Variants in WDR33 observed in about 807,000 individuals in gnomAD.
WDR33 encodes pre-mRNA 3' end processing protein WDR33.
Under a neutral mutation model 164.9 loss-of-function variants are expected in WDR33, and 47 were observed. That is an observed-to-expected ratio of 0.29 (90% CI 0.23 to 0.36). The LOEUF is 0.36. WDR33 is among the 10% of genes least tolerant of loss of function. The pLI is 1.00. For synonymous variants in WDR33, 505 were observed against 589.0 expected, an observed-to-expected ratio of 0.86 and a Z score of 2.06; for missense variants, 1,137 against 1,754.1, an observed-to-expected ratio of 0.65 and a Z score of 6.28.
intron 1 of WDR33, among the ~76,000 whole-genome samples, chr2:127,785,896 T>C (rs1688547738): frequency 6.6e-6 from 1 of 152,226 alleles, no homozygotes; most frequent in Non-Finnish European, 1.5e-5. Flanking sequence ...ACTGCCTAAC[T>C]ATATTCTAAA....
intron 1 of WDR33, among the ~76,000 whole-genome samples, chr2:127,772,240 C>T (rs1463343981): frequency 2.6e-5 from 4 of 152,082 alleles, no homozygotes; most frequent in African/African-American, 9.7e-5. Flanking sequence ...AGTTCAAGAC[C>T]AGCCTGGCCA....
Position 127,763,248 on chromosome 2 carries a change from T to C in WDR33, c.627-89A>G. On this transcript the variant is annotated intron_variant, in intron 6 of 21. Coordinates refer to ENST00000322313, the MANE Select transcript of WDR33 (RefSeq NM_018383.5). The surrounding 1 kb of genome is among the most constrained non-coding windows in gnomAD (Gnocchi z 4.5). Reference sequence around the variant, plus strand: ...CAGACAGGGAAAAATAAAAACACTGTGCTGCATTATAAACAGGAGAGGGAA... The same window carrying C: ...CAGACAGGGAAAAATAAAAACACTGCGCTGCATTATAAACAGGAGAGGGAA... 1 of 1,593,686 alleles carries C rather than the reference T, an allele frequency of 6.3e-7. No homozygotes were observed. The highest frequency in any genetic ancestry group is 1.3e-5 in the African/African-American group (1 of 74,284).
chr2:127,702,187 C>T lies in WDR33; in HGVS notation c.*4136G>A, dbSNP rs958468327. 11 of 1,213,772 alleles carry T rather than the reference C, an allele frequency of 9.1e-6. No homozygotes were observed. Among genetic ancestry groups the T allele is most frequent in the East Asian group, 3.3e-5 (1 of 29,908 alleles). The allele number at this position is 1,213,772 out of a possible 1,614,324, so 75.2% of individuals were successfully genotyped here. ...GTGCTGCCCGTGTGAGGACCTCGCG[C>T]CCTCGCCGCTGGGGAAGTACGCGGA... On this transcript the variant is annotated 3_prime_UTR_variant, in exon 22 of 22. Transcript: ENST00000322313.
At chr2:127,755,738 T>C (rs937305397) in intron 7 of WDR33, among the ~76,000 whole-genome samples, 19 of 152,214 alleles carry the variant, frequency 1.2e-4, no homozygotes, top group African/African-American at 4.6e-4. Context: ...GATTAAGAAC[T>C]ACTAATCTAA....
chr2:127,783,903 G>GCC lies in WDR33; in HGVS notation c.-23-12901_-23-12900dup, dbSNP rs1308389720. 3.3e-5 allele frequency among the ~76,000 whole-genome samples: 5 copies of GCC among 151,672 alleles called. No homozygotes were observed. In the South Asian group the frequency reaches 1.0e-3, roughly 32 times the overall value. ...TTACAAGAGTGAGCCACCGCACCTGGCCAGCACTTCCTTATTCTTTTAAAC... is the reference window on the plus strand; with the variant it reads ...TTACAAGAGTGAGCCACCGCACCTGGCCCCAGCACTTCCTTATTCTTTTAAAC... On this transcript the variant is annotated intron_variant, in intron 1 of 21. Coordinates refer to ENST00000322313, the MANE Select transcript of WDR33 (RefSeq NM_018383.5).
In WDR33 at chr2:127,787,430, G is replaced by A. The variant is rs1337688908; in HGVS notation, c.-23-16426C>T. 3.1e-5 allele frequency among the ~76,000 whole-genome samples: 4 copies of A among 130,164 alleles called. 1 individual carries two copies. The highest frequency in any genetic ancestry group is 1.0e-4 in the African/African-American group (3 of 29,328). The allele number at this position is 130,164 out of a possible 152,430, so 85.4% of individuals were successfully genotyped here. On this transcript the variant is annotated intron_variant, in intron 1 of 21. Transcript: ENST00000322313. Reference sequence around the variant, plus strand: ...AGGGGCTCCTCACTTCCCAGTAGGGGTGGCCGGGCAGAGGCGCCCCTCACC... The same window carrying A: ...AGGGGCTCCTCACTTCCCAGTAGGGATGGCCGGGCAGAGGCGCCCCTCACC...
At position 127,757,363 on chromosome 2, in the gene WDR33, T is replaced by A. The variant is rs1233119223; in HGVS notation, c.724+5699A>T. On this transcript the variant is annotated intron_variant, in intron 7 of 21. Coordinates refer to ENST00000322313, the MANE Select transcript of WDR33 (RefSeq NM_018383.5). ...TTCAGAACCCTACTACACAAACTTG[T>A]TTAAATAATGTGCTTTAGATGTTAA... Among the ~76,000 whole-genome samples the A allele has an allele frequency of 2.0e-5, 3 of 152,318 alleles. No homozygotes were observed. The East Asian group carries it at 5.8e-4, about 29-fold the overall frequency.
intron 1 of WDR33, among the ~76,000 whole-genome samples, chr2:127,788,239 C>CG (rs1688677810): frequency 8.2e-6 from 1 of 122,330 alleles, no homozygotes; most frequent in African/African-American, 3.3e-5. Context: ...GCTGGCCAGG[C>CG]AGGGGGCTGA....
rs1260302153 is a variant in WDR33 at position 127,730,389 on chromosome 2, A to G, written c.725-3612T>C. On this transcript the variant is annotated intron_variant, in intron 7 of 21. Coordinates refer to ENST00000322313, the MANE Select transcript of WDR33 (RefSeq NM_018383.5). ...TTTCAAATGATAAAATTCTGACCTC[A>G]CATGTCAATGTTGATATATTTAGAT... Among the ~76,000 whole-genome samples, 6 of 152,324 alleles carry G rather than the reference A, an allele frequency of 3.9e-5. No individual in the cohort carries two copies. The East Asian group carries it at 9.6e-4, about 24-fold the overall frequency.
intron 7 of WDR33, among the ~76,000 whole-genome samples, chr2:127,750,988 C>A (rs971622908): frequency 4.0e-5 from 6 of 151,346 alleles, no homozygotes; most frequent in Non-Finnish European, 7.4e-5. Flanking sequence ...TAAACATTTC[C>A]ACCCAGAAGA....
intron 18 of WDR33, among the ~76,000 whole-genome samples, chr2:127,711,780 A>ATATATATATTTTTTTTTTTTTTTT: frequency 4.5e-5 from 4 of 88,306 alleles, no homozygotes; most frequent in African/African-American, 6.5e-5. Context: ...ATATATATAT[A>ATATATATATTTTTTTTTTTTTTTT]TTTTTTTTTT....
chr2:127,715,787 A>C (rs1686285094), intron 17 of WDR33, among the ~76,000 whole-genome samples: 1 of 152,222 alleles, frequency 6.6e-6, no homozygotes, highest in African/African-American at 2.4e-5. Context: ...CTCTTCAAGG[A>C]AAGAAACCCA....
Position 127,713,726 on chromosome 2 carries a change from G to C in WDR33, c.3165C>G (p.Pro1055=). 4 of 1,614,216 alleles carry C rather than the reference G, an allele frequency of 2.5e-6. No individual in the cohort carries two copies. The highest frequency in any genetic ancestry group is 2.5e-6 in the Non-Finnish European group (3 of 1,179,996). ...CCTCGCTGAATTCCCTGTGATCAGG[G>C]GGAAACGGAGGCCCAGGGCCCCCTC... ...WRRGGPGPPF[P]PDHREFSEGD... is the part of the protein sequence containing the mutation. The change falls in exon 18 of 22, where the codon CCC becomes CCG. Residue 1055 remains proline (P), a synonymous_variant. Transcript: ENST00000322313. The surrounding 1 kb of genome is among the most constrained non-coding windows in gnomAD (Gnocchi z 6.2).
intron 7 of WDR33, among the ~76,000 whole-genome samples, chr2:127,747,353 T>C (rs1329360330): frequency 6.6e-6 from 1 of 152,164 alleles, no homozygotes; most frequent in Non-Finnish European, 1.5e-5. Flanking sequence ...TGAAATAGTC[T>C]TTAGGAGAAA....
rs190211111 is a variant in WDR33 at position 127,753,019 on chromosome 2, T to C, written c.724+10043A>G. On this transcript the variant is annotated intron_variant, in intron 7 of 21. Coordinates refer to ENST00000322313, the MANE Select transcript of WDR33 (RefSeq NM_018383.5). Reference sequence around the variant, plus strand: ...GTTCATTGCAACCTCCTCTGCCTCCTGGGTTCAAGCAATTCTCTTGCCTCA... The same window carrying C: ...GTTCATTGCAACCTCCTCTGCCTCCCGGGTTCAAGCAATTCTCTTGCCTCA... 7.0e-3 allele frequency among the ~76,000 whole-genome samples: 1,066 copies of C among 152,324 alleles called. 10 individuals carry two copies. Among genetic ancestry groups the C allele is most frequent in the African/African-American group, 0.024 (1,014 of 41,568 alleles).
In WDR33 at chr2:127,703,964, T is replaced by C. The variant is rs1685954441; in HGVS notation, c.*2359A>G. On this transcript the variant is annotated 3_prime_UTR_variant, in exon 22 of 22. Coordinates refer to ENST00000322313, the MANE Select transcript of WDR33 (RefSeq NM_018383.5). ...TAAACCCCATCGCCACAGAAAATCT[T>C]CAAAAAATTTGCCAGATATGGTGGC... The C allele has an allele frequency of 6.0e-6, 1 of 166,674 alleles. No individual in the cohort carries two copies. Among genetic ancestry groups the C allele is most frequent in the Non-Finnish European group, 1.5e-5 (1 of 68,086 alleles). 10.3% of individuals were successfully genotyped at this position (166,674 alleles called of 1,614,324 possible).
intron 7 of WDR33, among the ~76,000 whole-genome samples, chr2:127,746,652 T>G (rs765984021): frequency 4.7e-4 from 71 of 152,218 alleles, no homozygotes; most frequent in Non-Finnish European, 1.0e-3. Flanking sequence ...CCAAACTTGC[T>G]GACTCTCAGC....
rs905361569 is a variant in WDR33 at position 127,716,048 on chromosome 2, G to A, written c.2869+1107C>T. Among the ~76,000 whole-genome samples the A allele has an allele frequency of 5.9e-5, 9 of 152,164 alleles. No individual in the cohort carries two copies. Among genetic ancestry groups the A allele is most frequent in the Non-Finnish European group, 1.0e-4 (7 of 68,026 alleles). ...AGGCAGCTCTCAGTTTGCTGATGGCGATAACTCAGGGGGTAAAAGACTCTC... is the reference window on the plus strand; with the variant it reads ...AGGCAGCTCTCAGTTTGCTGATGGCAATAACTCAGGGGGTAAAAGACTCTC... On this transcript the variant is annotated intron_variant, in intron 17 of 21. Coordinates refer to ENST00000322313, the MANE Select transcript of WDR33 (RefSeq NM_018383.5). This position sits in a 1 kb window ranked among gnomAD's most constrained non-coding sequence, Gnocchi z 4.5.
chr2:127,797,367 C>T (rs1318096258), intron 1 of WDR33, among the ~76,000 whole-genome samples: 2 of 152,080 alleles, frequency 1.3e-5, no homozygotes, highest in African/African-American at 4.8e-5. Context: ...TGGCGCACAC[C>T]TGTAATCCCA....
Sources: allele counts gnomAD v4.1 joint callset (sites outside exome capture counted in the v4.1 genomes callset), GRCh38; gene constraint gnomAD v4.1.1; non-coding constraint Gnocchi (gnomAD v3.1); transcripts MANE v1.5; gene names NCBI Gene and HGNC (gene_info 2026-07-23, HGNC 2026-07-21).